The following ANKDD1A variants were observed in gnomAD, a reference collection of about 807,000 sequenced individuals.
ANKDD1A encodes the protein ankyrin repeat and death domain-containing protein 1A.
ANKDD1A carries 59 observed loss-of-function variants against 63.5 expected under a neutral mutation model. That is an observed-to-expected ratio of 0.93 (90% CI 0.75 to 1.15). The LOEUF is 1.15. Ranked by LOEUF, ANKDD1A falls within the 50% of genes most tolerant of loss-of-function variation. ANKDD1A has a pLI of 0.00. For missense variants in ANKDD1A, 632 were observed against 656.4 expected (o/e 0.96, Z 0.41); for synonymous variants, 266 against 263.9 (o/e 1.01, Z -0.08).
In ANKDD1A at chr15:64,947,397, C is replaced by T. The variant is rs774061666; in HGVS notation, c.1162-7C>T. Reference sequence around the variant, plus strand: ...GAGCTTCTGCACTTTTGGGATCTGCCCCACAGGACCACCCCAGTGATCCCT... The same window carrying T: ...GAGCTTCTGCACTTTTGGGATCTGCTCCACAGGACCACCCCAGTGATCCCT... On this transcript the variant is annotated splice_polypyrimidine_tract_variant and splice_region_variant and intron_variant, in intron 12 of 14. Coordinates refer to ENST00000319580, the MANE Select transcript of ANKDD1A (RefSeq NM_182703.6). 1 of 1,608,680 alleles carries T rather than the reference C, an allele frequency of 6.2e-7. No individual in the cohort carries two copies. Among genetic ancestry groups the T allele is most frequent in the Non-Finnish European group, 8.5e-7 (1 of 1,175,806 alleles).
chr15:64,943,586 C>A lies in ANKDD1A; in HGVS notation c.1065+4C>A. 6.2e-7 allele frequency: 1 copy of A among 1,613,898 alleles called. No homozygotes were observed. Among genetic ancestry groups the A allele is most frequent in the Non-Finnish European group, 8.5e-7 (1 of 1,179,778 alleles). On this transcript the variant is annotated splice_donor_region_variant and intron_variant, in intron 11 of 14. Coordinates refer to ENST00000319580, the MANE Select transcript of ANKDD1A (RefSeq NM_182703.6). Reference sequence around the variant, plus strand: ...TGACTTAAACCTGAGAGATAAGGTACCTCTGCTTACAACCCACCTCGCTTC... The same window carrying A: ...TGACTTAAACCTGAGAGATAAGGTAACTCTGCTTACAACCCACCTCGCTTC...
At chr15:64,916,480 C>A (rs971422083) in intron 2 of ANKDD1A, among the ~76,000 whole-genome samples, 1 of 152,052 alleles carries the variant, frequency 6.6e-6, no homozygotes, top group African/African-American at 2.4e-5. Context: ...CGTGTGCCAC[C>A]ATGCCAAGCT....
At chr15:64,912,007 G>C (rs772760666) in intron 1 of ANKDD1A, 43 bp downstream of exon 1, 2 of 1,238,930 alleles carry the variant, frequency 1.6e-6, no homozygotes, top group Non-Finnish European at 2.0e-6. Flanking sequence ...CCGAGGCCGA[G>C]AGGACCCCCG....
At chr15:64,944,092 G>A (rs2085205947) in intron 11 of ANKDD1A, among the ~76,000 whole-genome samples, 1 of 152,214 alleles carries the variant, frequency 6.6e-6, no homozygotes, top group Non-Finnish European at 1.5e-5. Context: ...CTAGTATGGT[G>A]TGGGGTAGAG....
intron 10 of ANKDD1A, 107 bp downstream of exon 10, chr15:64,942,672 CTTT>C (rs3057944): frequency 0.024 from 11,279 of 468,050 alleles, no homozygotes; most frequent in East Asian, 0.037. Context: ...TGAGGAATCA[CTTT>C]TTTTTTTTTT....
intron 3 of ANKDD1A, among the ~76,000 whole-genome samples, chr15:64,920,858 A>C (rs2085002537): frequency 6.6e-6 from 1 of 151,912 alleles, no homozygotes. Flanking sequence ...CCTCTATGGG[A>C]GATTTAAACA....
intron 14 of ANKDD1A, chr15:64,950,556 C>A (rs2085261439): frequency 1.0e-5 from 10 of 985,422 alleles, no homozygotes; most frequent in Non-Finnish European, 1.2e-5. Context: ...CGCTGTGATA[C>A]CCACTGACGT....
chr15:64,951,453 TTTTC>T lies in ANKDD1A; in HGVS notation c.1483+1485_1483+1488del, dbSNP rs1465160581. 2.7e-4 allele frequency: 11 copies of T among 41,106 alleles called. No homozygotes were observed. The Admixed American group carries it at 8.5e-3, about 32-fold the overall frequency. 2.5% of individuals were successfully genotyped at this position (41,106 alleles called of 1,614,324 possible). A position where few individuals can be genotyped will look rare whatever the true frequency, so the allele number is the denominator to read the frequency against. ...TTCTTTTTCTTTCTTCTTCCCTTTC[TTTTC>T]TTTTCTCTTTTTTCTTTTCTTCTTC... On this transcript the variant is annotated intron_variant, in intron 14 of 14. Coordinates refer to ENST00000319580, the MANE Select transcript of ANKDD1A (RefSeq NM_182703.6).
At chr15:64,919,292 G>A (rs1388401608) in intron 3 of ANKDD1A, among the ~76,000 whole-genome samples, 1 of 152,090 alleles carries the variant, frequency 6.6e-6, no homozygotes, top group African/African-American at 2.4e-5. Flanking sequence ...TCCTTCCTCT[G>A]GACTCTGCCC....
At chr15:64,914,873 G>A (rs2084957873) in intron 1 of ANKDD1A, among the ~76,000 whole-genome samples, 1 of 152,214 alleles carries the variant, frequency 6.6e-6, no homozygotes, top group African/African-American at 2.4e-5. Flanking sequence ...GAGCTCTGAG[G>A]TTCCCTTTAA....
intron 14 of ANKDD1A, among the ~76,000 whole-genome samples, chr15:64,954,058 T>TCTTTTCTC (rs1595860915): frequency 2.6e-4 from 1 of 3,842 alleles, no homozygotes; most frequent in Non-Finnish European, 2.3e-3. Flanking sequence ...CTTTTCTCCT[T>TCTTTTCTC]CTTCTTTCTT....
At chr15:64,925,914 G>C (rs1595848555) in intron 4 of ANKDD1A, 152 bp from the exon 5 acceptor site, 1 of 656,832 alleles carries the variant, frequency 1.5e-6, no homozygotes, top group Non-Finnish European at 2.5e-6. Context: ...CAGCAGAGTG[G>C]GTTATCCCTC....
chr15:64,917,136 G>C (rs1386627894), intron 2 of ANKDD1A, among the ~76,000 whole-genome samples: 1 of 152,192 alleles, frequency 6.6e-6, no homozygotes, highest in African/African-American at 2.4e-5. Flanking sequence ...TTTATCCTGA[G>C]AGCCATGAGA....
rs538065095 is a variant in ANKDD1A at position 64,954,433 on chromosome 15, G to A, written c.1484-2670G>A. Among the ~76,000 whole-genome samples the A allele has an allele frequency of 9.0e-4, 99 of 110,062 alleles. 1 individual carries two copies. In the East Asian group the frequency reaches 0.021, roughly 23 times the overall value. The allele number at this position is 110,062 out of a possible 152,430, so 72.2% of individuals were successfully genotyped here. A position where few individuals can be genotyped will look rare whatever the true frequency, so the allele number is the denominator to read the frequency against. On this transcript the variant is annotated intron_variant, in intron 14 of 14. Transcript: ENST00000319580. Reference sequence around the variant, plus strand: ...TTCTTCCTCCTCTCCTCCTTCGTTCGTCGTCTTCTCCTTCTTCTTCTTCCC... The same window carrying A: ...TTCTTCCTCCTCTCCTCCTTCGTTCATCGTCTTCTCCTTCTTCTTCTTCCC...
In ANKDD1A at chr15:64,942,454, T is replaced by C; in HGVS notation, c.868-13T>C. ...AGGGACTGGTCGATTGATCCGTGTA[T>C]CTCCTCCCACAGCAGGGTGCCTCTC... On this transcript the variant is annotated splice_polypyrimidine_tract_variant and intron_variant, in intron 9 of 14. Coordinates refer to ENST00000319580, the MANE Select transcript of ANKDD1A (RefSeq NM_182703.6). The C allele has an allele frequency of 6.2e-7, 1 of 1,602,462 alleles. No homozygotes were observed. Among genetic ancestry groups the C allele is most frequent in the Non-Finnish European group, 8.5e-7 (1 of 1,172,574 alleles).
At chr15:64,940,358 G>A (rs1341866091) in intron 9 of ANKDD1A, among the ~76,000 whole-genome samples, 1 of 151,998 alleles carries the variant, frequency 6.6e-6, no homozygotes, top group African/African-American at 2.4e-5. Flanking sequence ...TAGGTAAGAG[G>A]ATCCTCTCCA....
chr15:64,951,887 CTTTCT>C (rs2085291159), intron 14 of ANKDD1A, among the ~76,000 whole-genome samples: 9 of 58,616 alleles, frequency 1.5e-4, no homozygotes, highest in African/African-American at 4.3e-4. Context: ...TTCTTTCCTT[CTTTCT>C]TTTTCTTTTC....
Position 64,949,952 on chromosome 15 carries a change from T to C in ANKDD1A, c.1463T>C (p.Ile488Thr), listed in dbSNP as rs368723040. 4.5e-5 allele frequency: 73 copies of C among 1,610,266 alleles called. No individual in the cohort carries two copies. In the East Asian group the frequency reaches 1.2e-3, roughly 27 times the overall value. The change falls in exon 14 of 15, where the codon ATT (isoleucine) becomes ACT (threonine). Residue 488 changes from isoleucine to threonine, a missense_variant. Ile to Thr is a moderately conservative substitution (Grantham distance 89). Coordinates refer to ENST00000319580, the MANE Select transcript of ANKDD1A (RefSeq NM_182703.6). ...GCGCTGTTCGAGGGCCTCGTGGCCA[T>C]TGGCAGGAGGGACCTGGCTGGTAAG... ...SKALFEGLVA[I>T]GRRDLAGWST...
chr15:64,915,764 C>A, intron 1 of ANKDD1A, 33 bp from the exon 2 acceptor site: 1 of 1,584,082 alleles, frequency 6.3e-7, no homozygotes, highest in African/African-American at 1.3e-5. Context: ...GGGCATCCTC[C>A]CCCTCATCCT....
Sources: allele counts gnomAD v4.1 joint callset (sites outside exome capture counted in the v4.1 genomes callset), GRCh38; gene constraint gnomAD v4.1.1; transcripts MANE v1.5; gene names NCBI Gene and HGNC (gene_info 2026-07-23, HGNC 2026-07-21).